The following PELO variants were observed in gnomAD, a reference collection of about 807,000 sequenced individuals.
The protein encoded by PELO is pelota mRNA surveillance and ribosome rescue factor.
Under a neutral mutation model 25.9 loss-of-function variants are expected in PELO, and 19 were observed. The ratio of observed to expected loss-of-function variants is 0.73; its 90% CI spans 0.51 to 1.08. The LOEUF is 1.08. PELO is among the 50% of genes least tolerant of loss of function. The pLI, the probability that PELO is intolerant of heterozygous loss-of-function variation, is 0.00. For missense variants in PELO, 498 were observed against 491.4 expected, an observed-to-expected ratio of 1.01 and a Z score of -0.13; for synonymous variants, 196 against 192.2, an observed-to-expected ratio of 1.02 and a Z score of -0.16.
intron 1 of PELO, 112 bp downstream of exon 1, chr5:52,788,526 CT>C: frequency 1.1e-6 from 1 of 911,332 alleles, no homozygotes; most frequent in Middle Eastern, 2.3e-4. Context: ...CGCCCATCCA[CT>C]TTCGGGCATT....
At chr5:52,796,607 T>G (rs1246994530) in intron 1 of PELO, among the ~76,000 whole-genome samples, 1 of 152,028 alleles carries the variant, frequency 6.6e-6, no homozygotes, top group African/African-American at 2.4e-5. Flanking sequence ...TATAAGTAAG[T>G]GCCTTAAGAA....
Position 52,788,248 on chromosome 5 carries a change from G to C in PELO, c.-677G>C. ...CCGCTGCCACTGGGGCAGAGGACTGGGAACCGCGGCAGCGGGATAAGTGGC... is the reference window on the plus strand; with the variant it reads ...CCGCTGCCACTGGGGCAGAGGACTGCGAACCGCGGCAGCGGGATAAGTGGC... On this transcript the variant is annotated 5_prime_UTR_variant, in exon 1 of 3. Coordinates refer to ENST00000274311, the MANE Select transcript of PELO (RefSeq NM_015946.5). The C allele has an allele frequency of 1.1e-6, 1 of 871,234 alleles. No individual in the cohort carries two copies. Among genetic ancestry groups the C allele is most frequent in the East Asian group, 3.3e-5 (1 of 30,042 alleles). The allele number at this position is 871,234 out of a possible 1,614,324, so 54.0% of individuals were successfully genotyped here. A position where few individuals can be genotyped will look rare whatever the true frequency, so the allele number is the denominator to read the frequency against.
chr5:52,791,266 G>A (rs1748233151), intron 1 of PELO, among the ~76,000 whole-genome samples: 1 of 152,132 alleles, frequency 6.6e-6, no homozygotes, highest in South Asian at 2.1e-4. Flanking sequence ...AAAAGAGGGT[G>A]GAGCATCTAG....
At chr5:52,790,066 C>A (rs944682106) in intron 1 of PELO, among the ~76,000 whole-genome samples, 1 of 152,172 alleles carries the variant, frequency 6.6e-6, no homozygotes, top group South Asian at 2.1e-4. Context: ...TCTGTAGGCT[C>A]TTCTTTAGCA....
rs1312783170 is a variant in PELO at position 52,800,302 on chromosome 5, C to A, written c.-93C>A. ...TGCCCTTAGAAACCGGGCCCCGCCC[C>A]CTTCCTGGCCTGCATTCCCATCCCC... On this transcript the variant is annotated 5_prime_UTR_variant, in exon 2 of 3. Transcript: ENST00000274311. 2.4e-5 allele frequency: 34 copies of A among 1,429,506 alleles called. No homozygotes were observed. The highest frequency in any genetic ancestry group is 3.3e-5 in the Non-Finnish European group (34 of 1,037,648). 88.6% of individuals were successfully genotyped at this position (1,429,506 alleles called of 1,614,324 possible).
intron 1 of PELO, among the ~76,000 whole-genome samples, chr5:52,792,476 C>G (rs1001773547): frequency 2.0e-5 from 3 of 152,110 alleles, no homozygotes; most frequent in Non-Finnish European, 4.4e-5. Flanking sequence ...ATATGCTATA[C>G]TAGTTTAACT....
Position 52,801,754 on chromosome 5 carries a change from C to G in PELO, c.1072C>G (p.Gln358Glu), listed in dbSNP as rs771256604. 6 of 1,614,100 alleles carry G rather than the reference C, an allele frequency of 3.7e-6. No homozygotes were observed. Among genetic ancestry groups the G allele is most frequent in the Non-Finnish European group, 5.1e-6 (6 of 1,179,968 alleles). Residue 358 changes from glutamine to glutamate, a missense_variant, in exon 3 of 3, where the codon CAG (glutamine) becomes GAG (glutamate). Gln to Glu is a conservative substitution (Grantham distance 29, BLOSUM62 2). Transcript: ENST00000274311. ...SLHVSGEQLS[Q>E]LTGVAAILRF... ...TCACGTTTCTGGGGAACAGCTCAGC[C>G]AGTTGACTGGGGTAGCTGCCATTCT...
rs1408910442 is a variant in PELO, at chr5:52,800,714, A to T, written c.320A>T (p.Asn107Ile). ...TACCACACCATCGAGCTGGAGCCCA[A>T]CCGCCAGTTCACCCTGGCCAAGAAG... ...GAYHTIELEP[N>I]RQFTLAKKQW... The change falls in exon 2 of 3, where the codon AAC (asparagine) becomes ATC (isoleucine). Residue 107 changes from asparagine (N) to isoleucine (I), a missense_variant. Coordinates refer to ENST00000274311, the MANE Select transcript of PELO (RefSeq NM_015946.5). 6.2e-7 allele frequency: 1 copy of T among 1,614,152 alleles called. No homozygotes were observed.
chr5:52,800,951 A>T lies in PELO; in HGVS notation c.557A>T (p.Tyr186Phe), dbSNP rs770216010. 1 of 1,614,210 alleles carries T rather than the reference A, an allele frequency of 6.2e-7. No homozygotes were observed. Among genetic ancestry groups the T allele is most frequent in the Non-Finnish European group, 8.5e-7 (1 of 1,180,030 alleles). ...SQHDRALERF[Y>F]EQVVQAIQRH... ...CATGACCGGGCCTTGGAGCGGTTCT[A>T]TGAACAGGTGGTCCAGGCTATCCAG... The change falls in exon 2 of 3, where the codon TAT (tyrosine) becomes TTT (phenylalanine). Residue 186 changes from tyrosine to phenylalanine, a missense_variant. By Grantham distance (22) the Tyr-to-Phe change is conservative. Coordinates refer to ENST00000274311, the MANE Select transcript of PELO (RefSeq NM_015946.5).
chr5:52,792,556 TC>T (rs1278321696), intron 1 of PELO, among the ~76,000 whole-genome samples: 2 of 152,194 alleles, frequency 1.3e-5, no homozygotes. Context: ...CCACAGCTTA[TC>T]ACTGATGTTC....
At chr5:52,788,476 G>A in intron 1 of PELO, 62 bp downstream of exon 1, 1 of 1,349,954 alleles carries the variant, frequency 7.4e-7, no homozygotes, top group Non-Finnish European at 9.7e-7. Context: ...GGAGCGGGGA[G>A]GGAGGTCCTC....
rs1748496426 is a variant in PELO, at chr5:52,801,894, A to T, written c.*54A>T. ...TGTGTTTCCTAAACTGTTACAGTAC[A>T]TTTCTCAGCATCCTTGTGACAGAAA... On this transcript the variant is annotated 3_prime_UTR_variant, in exon 3 of 3. Transcript: ENST00000274311. 7.6e-7 allele frequency: 1 copy of T among 1,313,886 alleles called. No individual in the cohort carries two copies. Among genetic ancestry groups the T allele is most frequent in the Non-Finnish European group, 1.0e-6 (1 of 962,294 alleles). The allele number at this position is 1,313,886 out of a possible 1,614,324, so 81.4% of individuals were successfully genotyped here. A position where few individuals can be genotyped will look rare whatever the true frequency, so the allele number is the denominator to read the frequency against.
chr5:52,796,421 A>C (rs1748344864), intron 1 of PELO, among the ~76,000 whole-genome samples: 2 of 152,046 alleles, frequency 1.3e-5, no homozygotes, highest in Non-Finnish European at 2.9e-5. Context: ...TACTGATATA[A>C]AGTTTTCTAT....
Position 52,800,795 on chromosome 5 carries a change from G to A in PELO, c.401G>A (p.Ser134Asn), listed in dbSNP as rs1748460308. 2 of 1,613,076 alleles carry A rather than the reference G, an allele frequency of 1.2e-6. No homozygotes were observed. The highest frequency in any genetic ancestry group is 1.3e-5 in the African/African-American group (1 of 74,924). Reference protein sequence around the residue: ...RIEQACDPAWSADVAAVVMQE... With the variant: ...RIEQACDPAWNADVAAVVMQE... ...GAGCAGGCCTGTGACCCAGCCTGGA[G>A]CGCTGATGTGGCGGCTGTGGTCATG... The change falls in exon 2 of 3, where the codon AGC becomes AAC. Residue 134 changes from serine to asparagine, a missense_variant. Transcript: ENST00000274311.
rs764390718 is a variant in PELO at position 52,801,779 on chromosome 5, T to C, written c.1097T>C (p.Leu366Pro). ...LSQLTGVAAI[L>P]RFPVPELSDQ... ...CAGTTGACTGGGGTAGCTGCCATTC[T>C]CCGCTTCCCTGTTCCCGAACTTTCT... Residue 366 changes from leucine to proline, a missense_variant, in exon 3 of 3, where the codon CTC becomes CCC. By Grantham distance (98) the Leu-to-Pro change is moderately conservative (BLOSUM62 -3). Transcript: ENST00000274311. 6.2e-7 allele frequency: 1 copy of C among 1,614,046 alleles called. No individual in the cohort carries two copies. The highest frequency in any genetic ancestry group is 1.1e-5 in the South Asian group (1 of 91,050).
chr5:52,798,462 C>T (rs1349102825), intron 1 of PELO, among the ~76,000 whole-genome samples: 1 of 152,108 alleles, frequency 6.6e-6, no homozygotes, highest in South Asian at 2.1e-4. Context: ...AATGTTGAGA[C>T]AAGTCTCAAT....
In PELO at chr5:52,801,049, G is replaced by A. The variant is rs752511091; in HGVS notation, c.655G>A (p.Asp219Asn). ...AGGATTTGTGAGGGAGCAGTTCTGC[G>A]ACTACCTGTTTCAACAAGCAGTGAA... ...SPGFVREQFC[D>N]YLFQQAVKTD... is the part of the protein sequence containing the mutation. Residue 219 changes from aspartate (D) to asparagine (N), a missense_variant, in exon 2 of 3, where the codon GAC becomes AAC. Coordinates refer to ENST00000274311, the MANE Select transcript of PELO (RefSeq NM_015946.5). The A allele has an allele frequency of 3.1e-6, 5 of 1,613,860 alleles. No individual in the cohort carries two copies. The East Asian group carries it at 8.9e-5, about 29-fold the overall frequency.
Position 52,801,617 on chromosome 5 carries a change from T to C in PELO, c.935T>C (p.Leu312Pro). The C allele has an allele frequency of 1.2e-6, 2 of 1,614,014 alleles. No individual in the cohort carries two copies. Among genetic ancestry groups the C allele is most frequent in the Non-Finnish European group, 8.5e-7 (1 of 1,179,910 alleles). Residue 312 changes from leucine (L) to proline (P), a missense_variant, in exon 3 of 3, where the codon CTC becomes CCC. Coordinates refer to ENST00000274311, the MANE Select transcript of PELO (RefSeq NM_015946.5). ...GAAGCCATGGCAATTGACACATTGC[T>C]CATCAGCGATGAGCTCTTCAGGCAT... ...ANEAMAIDTL[L>P]ISDELFRHQD...
chr5:52,797,027 C>T (rs1206032752), intron 1 of PELO, among the ~76,000 whole-genome samples: 2 of 151,914 alleles, frequency 1.3e-5, no homozygotes, highest in African/African-American at 4.8e-5. Context: ...TTTGTAAGGC[C>T]AGTGCAAATT....
Sources: gnomAD v4.1 joint callset for allele counts (sites outside exome capture counted in the v4.1 genomes callset) on GRCh38, gnomAD v4.1.1 for gene constraint, MANE v1.5 for transcripts, NCBI Gene and HGNC (gene_info 2026-07-23, HGNC 2026-07-21) for gene names.